Variants in MBNL1 observed in about 807,000 individuals in gnomAD.
MBNL1 encodes muscleblind-like protein 1.
Under a neutral mutation model 42.2 loss-of-function variants are expected in MBNL1, and 8 were observed. The observed-to-expected ratio is 0.19, with a 90% CI of 0.11 to 0.34. The LOEUF (loss-of-function observed/expected upper bound fraction) is 0.34. Ranked by LOEUF, MBNL1 falls within the 10% of genes least tolerant of loss-of-function variation. The probability of loss-of-function intolerance (pLI) is 1.00; values close to 1 mark genes in which losing one functional copy is unlikely to be tolerated. For synonymous variants in MBNL1, 169 were observed against 173.9 expected (o/e 0.97, Z 0.22); for missense variants, 309 against 495.3 (o/e 0.62, Z 3.57).
At chr3:152,313,313 G>T (rs554194059) in intron 2 of MBNL1, among the ~76,000 whole-genome samples, 1 of 152,156 alleles carries the variant, frequency 6.6e-6, no homozygotes, top group East Asian at 1.9e-4. Context: ...GTGAGCCACC[G>T]CGCCCGGCCA....
Position 152,300,083 on chromosome 3 carries a change from G to A in MBNL1, c.-111G>A, listed in dbSNP as rs180834822. The A allele has an allele frequency of 4.1e-4, 257 of 625,054 alleles. No individual in the cohort carries two copies. In the African/African-American group the frequency reaches 4.2e-3, roughly 10 times the overall value. The allele number at this position is 625,054 out of a possible 1,614,324, so 38.7% of individuals were successfully genotyped here. ...CAGGGAGTGGGGAAAAGTATTTTGA[G>A]GGGACATTTTCATCATCAGTTCAGC... On this transcript the variant is annotated 5_prime_UTR_variant, in exon 2 of 10. Transcript: ENST00000324210.
intron 2 of MBNL1, among the ~76,000 whole-genome samples, chr3:152,253,371 A>G (rs1576788048): frequency 6.6e-6 from 1 of 152,116 alleles, no homozygotes; most frequent in African/African-American, 2.4e-5. Flanking sequence ...AATGCTGACC[A>G]GAATCACCTG....
chr3:152,252,624 C>G (rs1022917317), intron 2 of MBNL1, among the ~76,000 whole-genome samples: 1 of 151,950 alleles, frequency 6.6e-6, no homozygotes, highest in African/African-American at 2.4e-5. Flanking sequence ...AGTCTGAAGT[C>G]AAATTATCCT....
intron 2 of MBNL1, among the ~76,000 whole-genome samples, chr3:152,317,760 A>AGAACT (rs1187769539): frequency 6.6e-6 from 1 of 152,198 alleles, no homozygotes; most frequent in Non-Finnish European, 1.5e-5. Context: ...ATGATTCTTC[A>AGAACT]TCGATCAAGT....
chr3:152,369,812 C>A (rs1197580972), intron 2 of MBNL1, among the ~76,000 whole-genome samples: 1 of 152,114 alleles, frequency 6.6e-6, no homozygotes, highest in Non-Finnish European at 1.5e-5. Flanking sequence ...GTATTTATAG[C>A]ATTCTCTGAT....
intron 2 of MBNL1, among the ~76,000 whole-genome samples, chr3:152,356,856 A>AGTGTGTGTGTGT (rs59868027): frequency 0.36 from 54,305 of 149,240 alleles, 9,825 homozygotes; most frequent in Middle Eastern, 0.42. Context: ...ATATGTGTGT[A>AGTGTGTGTGTGT]GTGTGTGTGT....
intron 5 of MBNL1, chr3:152,446,612 C>A: frequency 2.3e-6 from 2 of 885,894 alleles, no homozygotes; most frequent in Non-Finnish European, 3.7e-6. Flanking sequence ...TGCACTGCTG[C>A]CCCCATGATG....
chr3:152,281,943 A>G (rs1188801333), intron 1 of MBNL1, among the ~76,000 whole-genome samples: 4 of 152,140 alleles, frequency 2.6e-5, no homozygotes, highest in Non-Finnish European at 4.4e-5. Context: ...TAATTAGAGC[A>G]TGTCCATGTG....
chr3:152,374,230 A>G (rs1248837240), intron 2 of MBNL1, among the ~76,000 whole-genome samples: 1 of 152,240 alleles, frequency 6.6e-6, no homozygotes, highest in Non-Finnish European at 1.5e-5. Context: ...CTACTTTTTA[A>G]AAGTATGATA....
chr3:152,403,198 G>A (rs1271067203), intron 2 of MBNL1, among the ~76,000 whole-genome samples: 3 of 116,184 alleles, frequency 2.6e-5, no homozygotes, highest in Non-Finnish European at 6.0e-5. Context: ...TTCACATTCT[G>A]GTTTGTTAAA....
At chr3:152,457,531 C>G (rs931756647) in intron 8 of MBNL1, among the ~76,000 whole-genome samples, 2 of 152,192 alleles carry the variant, frequency 1.3e-5, no homozygotes, top group Non-Finnish European at 2.9e-5. Context: ...AAAATCAGAA[C>G]ACAAAAATGA....
At chr3:152,343,285 C>G (rs750866773) in intron 2 of MBNL1, among the ~76,000 whole-genome samples, 3 of 152,068 alleles carry the variant, frequency 2.0e-5, no homozygotes, top group Non-Finnish European at 4.4e-5. Flanking sequence ...AAGCAGAACC[C>G]AAACCAACGG....
chr3:152,252,134 A>T (rs78051571), intron 2 of MBNL1, among the ~76,000 whole-genome samples: 41 of 102,880 alleles, frequency 4.0e-4, no homozygotes, highest in Admixed American at 1.0e-3. Context: ...AAACTAACCT[A>T]CCTTCCTTCC....
intron 2 of MBNL1, among the ~76,000 whole-genome samples, chr3:152,307,085 G>A (rs530372331): frequency 3.9e-5 from 6 of 152,124 alleles, no homozygotes; most frequent in East Asian, 3.9e-4. Flanking sequence ...CGCCTCCCAC[G>A]TTCAAGCAAT....
At chr3:152,424,991 A>G (rs1478750836) in intron 3 of MBNL1, among the ~76,000 whole-genome samples, 1 of 152,216 alleles carries the variant, frequency 6.6e-6, no homozygotes, top group Non-Finnish European at 1.5e-5. Context: ...TTCAGGACAT[A>G]GGCATGGGCA....
intron 2 of MBNL1, among the ~76,000 whole-genome samples, chr3:152,372,628 A>T (rs1578925114): frequency 6.6e-6 from 1 of 152,318 alleles, no homozygotes; most frequent in East Asian, 1.9e-4. Flanking sequence ...ACTAGCAGAC[A>T]CTGCAGAACA....
chr3:152,444,875 G>A (rs2099200054), intron 4 of MBNL1, among the ~76,000 whole-genome samples: 1 of 152,056 alleles, frequency 6.6e-6, no homozygotes, highest in Non-Finnish European at 1.5e-5. Flanking sequence ...CTGTGATTGT[G>A]TGCCCTTCTC....
chr3:152,418,248 A>C (rs1343732314), intron 3 of MBNL1, among the ~76,000 whole-genome samples: 2 of 152,226 alleles, frequency 1.3e-5, no homozygotes, highest in Non-Finnish European at 2.9e-5. Context: ...AAGTTTGCTC[A>C]GGTTACACAG....
At chr3:152,269,715 CTT>C in intron 1 of MBNL1, 1 of 228,314 alleles carries the variant, frequency 4.4e-6, no homozygotes, top group Non-Finnish European at 8.8e-6. Flanking sequence ...CTGCCTCCTC[CTT>C]TTCTTCTTCT....
Sources: gnomAD v4.1 joint callset for allele counts (sites outside exome capture counted in the v4.1 genomes callset) on GRCh38, gnomAD v4.1.1 for gene constraint, MANE v1.5 for transcripts, NCBI Gene and HGNC (gene_info 2026-07-23, HGNC 2026-07-21) for gene names.